Variants in SPIRE1 observed in about 807,000 individuals in gnomAD.
SPIRE1 encodes the protein spire type actin nucleation factor 1.
A neutral mutation model predicts 94.1 loss-of-function variants in SPIRE1; 40 were observed. The ratio of observed to expected loss-of-function variants is 0.43; its 90% CI spans 0.33 to 0.55. The LOEUF is 0.55. Among genes scored for constraint, SPIRE1 ranks in the 20% least tolerant of loss-of-function variants. The pLI, the probability that SPIRE1 is intolerant of heterozygous loss-of-function variation, is 0.06. For missense variants in SPIRE1, 838 were observed against 975.2 expected (o/e 0.86, Z 1.87); for synonymous variants, 376 against 371.7 (o/e 1.01, Z -0.13).
chr18:12,559,196 C>T lies in SPIRE1; in HGVS notation c.373-12292G>A, dbSNP rs565556813. Among the ~76,000 whole-genome samples, 12 of 146,392 alleles carry T rather than the reference C, an allele frequency of 8.2e-5. No homozygotes were observed. The highest frequency in any genetic ancestry group is 4.2e-4 in the East Asian group (2 of 4,780). On this transcript the variant is annotated intron_variant, in intron 2 of 16. Transcript: ENST00000409402. This position sits in a 1 kb window ranked among gnomAD's most constrained non-coding sequence, Gnocchi z 4.7. ...CACGGGGTGGGGTGGGGTGGGGGGG[C>T]GCCGGCATGGCAGGCTGCAGGTCCC...
intron 2 of SPIRE1, among the ~76,000 whole-genome samples, chr18:12,589,133 T>C (rs1037097007): frequency 1.3e-5 from 2 of 152,246 alleles, no homozygotes; most frequent in Non-Finnish European, 1.5e-5. Flanking sequence ...ATGTGAATTA[T>C]TTCTCATACA....
In SPIRE1 at chr18:12,516,817, C is replaced by T. The variant is rs529573167; in HGVS notation, c.730-4286G>A. 2.6e-5 allele frequency among the ~76,000 whole-genome samples: 4 copies of T among 152,274 alleles called. No homozygotes were observed. The East Asian group carries it at 5.8e-4, about 22-fold the overall frequency. The stretch of plus-strand genomic sequence containing the variant: ...CCCAACCTTAATTTTTACTATTCTC[C>T]GACACATCCCTGACTAAATGTAGTC... On this transcript the variant is annotated intron_variant, in intron 4 of 16. Transcript: ENST00000409402.
intron 2 of SPIRE1, among the ~76,000 whole-genome samples, chr18:12,617,599 C>T (rs144985301): frequency 0.016 from 2,394 of 152,130 alleles, 18 homozygotes; most frequent in Non-Finnish European, 0.026. Context: ...TTAGTAGAGA[C>T]GGGGTTTCGC....
chr18:12,591,229 G>C (rs1174551788), intron 2 of SPIRE1, among the ~76,000 whole-genome samples: 1 of 152,212 alleles, frequency 6.6e-6, no homozygotes, highest in East Asian at 1.9e-4. Flanking sequence ...ACTATCCAGG[G>C]AAAGAGAGTT....
intron 2 of SPIRE1, among the ~76,000 whole-genome samples, chr18:12,616,919 G>C (rs939027227): frequency 6.6e-6 from 1 of 152,076 alleles, no homozygotes; most frequent in African/African-American, 2.4e-5. Flanking sequence ...GAGTGCAGTG[G>C]TGCAATCTCG....
intron 2 of SPIRE1, among the ~76,000 whole-genome samples, chr18:12,589,050 A>G (rs768791220): frequency 2.6e-5 from 4 of 152,218 alleles, no homozygotes; most frequent in Non-Finnish European, 5.9e-5. Flanking sequence ...AAGGCAGCTT[A>G]AAGGTAATTT....
At chr18:12,632,011 C>T (rs1212418778) in intron 2 of SPIRE1, among the ~76,000 whole-genome samples, 1 of 151,202 alleles carries the variant, frequency 6.6e-6, no homozygotes, top group Non-Finnish European at 1.5e-5. Flanking sequence ...TGGCACTGCA[C>T]TCCAGCCTGG....
chr18:12,658,648 T>G (rs1423804411), upstream of SPIRE1: 1 of 467,762 alleles, frequency 2.1e-6, no homozygotes, highest in African/African-American at 2.0e-5. Flanking sequence ...GCAGGCCCGC[T>G]GAAGCCTCCC....
intron 3 of SPIRE1, among the ~76,000 whole-genome samples, chr18:12,539,373 C>G (rs888248566): frequency 2.0e-5 from 3 of 152,154 alleles, no homozygotes; most frequent in Non-Finnish European, 4.4e-5. Context: ...TAAGACATGA[C>G]TTGCTCCTCC....
chr18:12,519,376 ACTCT>A lies in SPIRE1; in HGVS notation c.730-6849_730-6846del, dbSNP rs200952714. ...CGCACGCACACACACACACGCAAACACTCTCTCTCTAACAAATGTCTCTGCTCTA... is the reference window on the plus strand; with the variant it reads ...CGCACGCACACACACACACGCAAACACTCTCTAACAAATGTCTCTGCTCTA... On this transcript the variant is annotated intron_variant, in intron 4 of 16. Transcript: ENST00000409402. 6.0e-3 allele frequency among the ~76,000 whole-genome samples: 907 copies of A among 151,634 alleles called. 6 individuals are homozygous for A. Among genetic ancestry groups the A allele is most frequent in the African/African-American group, 0.012 (478 of 41,324 alleles).
chr18:12,487,336 G>A (rs1401067739), intron 8 of SPIRE1, among the ~76,000 whole-genome samples: 5 of 151,826 alleles, frequency 3.3e-5, no homozygotes, highest in African/African-American at 1.2e-4. Flanking sequence ...GCATCCACTC[G>A]GGGTCTTGGC....
At chr18:12,517,899 C>T (rs191895124) in intron 4 of SPIRE1, among the ~76,000 whole-genome samples, 55 of 152,232 alleles carry the variant, frequency 3.6e-4, no homozygotes, top group Non-Finnish European at 1.2e-4. Flanking sequence ...TTTTAATGAT[C>T]ACCATTTCCA....
At chr18:12,454,593 G>A (rs1158471909) in intron 12 of SPIRE1, 110 bp from the exon 13 acceptor site, 20 of 998,096 alleles carry the variant, frequency 2.0e-5, no homozygotes, top group African/African-American at 6.4e-5. Context: ...AAGAGAACAG[G>A]TTTCCCAATG....
chr18:12,629,252 A>G (rs2144787044), intron 2 of SPIRE1, among the ~76,000 whole-genome samples: 1 of 152,256 alleles, frequency 6.6e-6, no homozygotes, highest in African/African-American at 2.4e-5. Flanking sequence ...GGAAAGCTGG[A>G]AAAAAACCAA....
intron 5 of SPIRE1, among the ~76,000 whole-genome samples, chr18:12,507,612 T>C (rs1295552180): frequency 4.0e-5 from 6 of 151,766 alleles, no homozygotes; most frequent in Non-Finnish European, 8.8e-5. Context: ...GGTAGGAGGA[T>C]TGCTTGAACC....
At chr18:12,529,953 C>A (rs1281178616) in intron 4 of SPIRE1, among the ~76,000 whole-genome samples, 1 of 152,122 alleles carries the variant, frequency 6.6e-6, no homozygotes, top group Non-Finnish European at 1.5e-5. Flanking sequence ...GGATTTTCTA[C>A]CAGTAGATTG....
chr18:12,624,480 T>C (rs931660623), intron 2 of SPIRE1, among the ~76,000 whole-genome samples: 3 of 145,710 alleles, frequency 2.1e-5, no homozygotes, highest in African/African-American at 7.7e-5. Flanking sequence ...GAGGCGGGGG[T>C]TGCAGTGAGC....
intron 2 of SPIRE1, among the ~76,000 whole-genome samples, chr18:12,549,609 G>A (rs528119800): frequency 1.6e-4 from 25 of 151,632 alleles, no homozygotes; most frequent in African/African-American, 6.0e-4. Flanking sequence ...GCACCACCAT[G>A]CCGGGGTACT....
In SPIRE1 at chr18:12,452,405, T is replaced by A; in HGVS notation, c.1876-14A>T. On this transcript the variant is annotated splice_polypyrimidine_tract_variant and intron_variant, in intron 15 of 16. Transcript: ENST00000409402. The stretch of plus-strand genomic sequence containing the variant: ...GGGCAGCCGCATCTATTATCCCAAA[T>A]AAAACTGGCAATGAGCAGTACCGTT... 1 of 1,614,036 alleles carries A rather than the reference T, an allele frequency of 6.2e-7. No individual in the cohort carries two copies. Among genetic ancestry groups the A allele is most frequent in the African/African-American group, 1.3e-5 (1 of 74,982 alleles).
Sources: allele counts gnomAD v4.1 joint callset (sites outside exome capture counted in the v4.1 genomes callset), GRCh38; gene constraint gnomAD v4.1.1; non-coding constraint Gnocchi (gnomAD v3.1); transcripts MANE v1.5; gene names NCBI Gene and HGNC (gene_info 2026-07-23, HGNC 2026-07-21).